The following PRDX4 variants were observed in gnomAD, a reference collection of about 807,000 sequenced individuals.
PRDX4 encodes peroxiredoxin 4, also known as peroxiredoxin-4.
In PRDX4, 12 loss-of-function variants were observed where a neutral mutation model predicts 20.5. The ratio of observed to expected loss-of-function variants is 0.58; its 90% CI spans 0.37 to 0.95. PRDX4 has a LOEUF of 0.95. Among genes scored for constraint, PRDX4 ranks in the 40% least tolerant of loss-of-function variants. The pLI is 0.01. For missense variants in PRDX4, 180 were observed against 207.3 expected, an observed-to-expected ratio of 0.87 and a Z score of 0.81; for synonymous variants, 99 against 87.5, an observed-to-expected ratio of 1.13 and a Z score of -0.73.
At chrX:23,680,333 G>T (rs1380397526) in intron 4 of PRDX4, among the ~76,000 whole-genome samples, 1 of 111,912 alleles carries the variant, frequency 8.9e-6, no homozygotes, top group Non-Finnish European at 1.9e-5. Context: ...GCAAACCTGT[G>T]TCTTTGGAGT....
intron 2 of PRDX4, among the ~76,000 whole-genome samples, chrX:23,673,507 C>G (rs1927883892): frequency 8.9e-6 from 1 of 112,510 alleles, no homozygotes; most frequent in Non-Finnish European, 1.9e-5. Flanking sequence ...AATCCCAGCA[C>G]TTTGGGAGGC....
chrX:23,668,420 G>GT (rs1299381889), intron 1 of PRDX4, among the ~76,000 whole-genome samples: 2 of 112,236 alleles, frequency 1.8e-5, no homozygotes, highest in Non-Finnish European at 3.8e-5. Flanking sequence ...GGGGGAAAAG[G>GT]TTAGAAGTAT....
intron 6 of PRDX4, chrX:23,686,064 G>A: frequency 2.2e-6 from 1 of 461,427 alleles, no homozygotes; most frequent in Non-Finnish European, 4.0e-6. Flanking sequence ...AAGTTTTGGG[G>A]TGCTTGAGTA....
chrX:23,686,363 G>T lies in PRDX4; in HGVS notation c.*28G>T, dbSNP rs1380531416. The T allele has an allele frequency of 9.0e-7, 1 of 1,109,581 alleles. No individual in the cohort carries two copies. Among genetic ancestry groups the T allele is most frequent in the Middle Eastern group, 2.5e-4 (1 of 3,930 alleles). 91.4% of individuals were successfully genotyped at this position (1,109,581 alleles called of 1,213,427 possible). On this transcript the variant is annotated 3_prime_UTR_variant, in exon 7 of 7. Coordinates refer to ENST00000379341, the MANE Select transcript of PRDX4 (RefSeq NM_006406.2). ...AATACTTCTTCAAGTTATGATGCTT[G>T]AAAGTTCTCAATAAAGTTCACGGTT...
chrX:23,675,356 T>A, intron 3 of PRDX4: 1 of 516,385 alleles, frequency 1.9e-6, no homozygotes, highest in Non-Finnish European at 3.0e-6. Context: ...GGGGAAAAGT[T>A]AAATGCAATA....
intron 1 of PRDX4, chrX:23,671,298 T>A: frequency 3.2e-6 from 1 of 313,368 alleles, no homozygotes; most frequent in Non-Finnish European, 5.5e-6. Context: ...ATATCACCAA[T>A]TTTTTTTAAT....
In PRDX4 at chrX:23,677,183, A is replaced by G. The variant is rs1227410370; in HGVS notation, c.477-1982A>G. On this transcript the variant is annotated intron_variant, in intron 3 of 6. Transcript: ENST00000379341. ...TTTGGGGATACATTCTCAGCCTGAT[A>G]GGGTTCACATCAACCAGAAATTTCT... is the stretch of plus-strand genomic sequence containing the variant. Among the ~76,000 whole-genome samples the G allele has an allele frequency of 6.3e-5, 7 of 111,574 alleles. No individual in the cohort carries two copies. In the South Asian group the frequency reaches 1.5e-3, roughly 24 times the overall value.
In PRDX4 at chrX:23,667,615, C is replaced by T; in HGVS notation, c.45C>T (p.Gly15=). 4 of 1,195,542 alleles carry T rather than the reference C, an allele frequency of 3.3e-6. No homozygotes were observed. The highest frequency in any genetic ancestry group is 4.5e-6 in the Non-Finnish European group (4 of 887,702). ...TAGCCGCGACAACTCCGGACCACGG[C>T]CGCCACCGAAGGCTGCTTCTGCTGC... ...PLLAATTPDH[G]RHRRLLLLPL... The change falls in exon 1 of 7, where the codon GGC becomes GGT. Residue 15 remains glycine, a synonymous_variant. Transcript: ENST00000379341.
At chrX:23,684,729 T>G (rs1434273388) in intron 6 of PRDX4, among the ~76,000 whole-genome samples, 2 of 110,963 alleles carry the variant, frequency 1.8e-5, no homozygotes, top group Admixed American at 1.9e-4. Context: ...CTCAAACTCC[T>G]GACCTCAAGC....
At chrX:23,682,988 A>G (rs1419556502) in intron 5 of PRDX4, among the ~76,000 whole-genome samples, 1 of 106,366 alleles carries the variant, frequency 9.4e-6, no homozygotes, top group East Asian at 2.9e-4. Context: ...TTTTAAAATT[A>G]TGTTTCTGCA....
intron 4 of PRDX4, 50 bp from the exon 5 acceptor site, chrX:23,682,346 A>T: frequency 2.0e-6 from 2 of 1,016,276 alleles, no homozygotes; most frequent in Non-Finnish European, 2.6e-6. Context: ...AATTCACAAT[A>T]CATAAATGAG....
At chrX:23,682,851 AAAATAT>A (rs1928109187) in intron 5 of PRDX4, among the ~76,000 whole-genome samples, 1 of 30,867 alleles carries the variant, frequency 3.2e-5, no homozygotes, top group Non-Finnish European at 6.7e-5. Context: ...AAAAAAAAAA[AAAATAT>A]ATATATATAT....
At chrX:23,678,225 C>G (rs1927986878) in intron 3 of PRDX4, among the ~76,000 whole-genome samples, 1 of 109,235 alleles carries the variant, frequency 9.2e-6, no homozygotes, top group Non-Finnish European at 1.9e-5. Context: ...CAAGATCGTG[C>G]CATTGCACTC....
intron 4 of PRDX4, among the ~76,000 whole-genome samples, chrX:23,680,791 T>C (rs2146793065): frequency 9.1e-6 from 1 of 110,309 alleles, no homozygotes; most frequent in Admixed American, 9.7e-5. Flanking sequence ...ATTCCTGTAG[T>C]CCCAGCCTAC....
In PRDX4 at chrX:23,667,767, G is replaced by T; in HGVS notation, c.197G>T (p.Arg66Leu). The T allele has an allele frequency of 8.3e-7, 1 of 1,211,658 alleles. No individual in the cohort carries two copies. Among genetic ancestry groups the T allele is most frequent in the Non-Finnish European group, 1.1e-6 (1 of 895,439 alleles). Residue 66 changes from arginine (R) to leucine (L), a missense_variant, in exon 1 of 7, where the codon CGG (arginine) becomes CTG (leucine). Arg to Leu is a moderately radical substitution (Grantham distance 102, BLOSUM62 -2). Transcript: ENST00000379341. ...GGQVYPGEAS[R>L]VSVADHSLHL... ...CAAGTGTACCCGGGAGAGGCATCCC[G>T]GGTATCGGTCGCCGACCACTCCCTG...
In PRDX4 at chrX:23,668,794, A is replaced by G. The variant is rs182651923; in HGVS notation, c.241+983A>G. On this transcript the variant is annotated intron_variant, in intron 1 of 6. Coordinates refer to ENST00000379341, the MANE Select transcript of PRDX4 (RefSeq NM_006406.2). ...TTCTGAATCCCTAGAGTTAAATGGA[A>G]TGTTGTTATGACTTAGGATGGGTTG... Among the ~76,000 whole-genome samples, 752 of 75,861 alleles carry G rather than the reference A, an allele frequency of 9.9e-3. 9 individuals are homozygous for G. Among genetic ancestry groups the G allele is most frequent in the African/African-American group, 0.032 (723 of 22,378 alleles). The allele number at this position is 75,861 out of a possible 115,157, so 65.9% of individuals were successfully genotyped here.
intron 2 of PRDX4, 50 bp from the exon 3 acceptor site, chrX:23,674,940 T>C: frequency 1.7e-6 from 2 of 1,180,554 alleles, no homozygotes; most frequent in South Asian, 1.9e-5. Context: ...AAAGTTTAGG[T>C]ATATGCTTAT....
In PRDX4 at chrX:23,667,503, T is replaced by C; in HGVS notation, c.-68T>C. ...GTTCGCGCGGGCGTCGTGCACGCGGTTGTAGCTGCCCGGCGGCGGCAGAAG... is the reference window on the plus strand; with the variant it reads ...GTTCGCGCGGGCGTCGTGCACGCGGCTGTAGCTGCCCGGCGGCGGCAGAAG... On this transcript the variant is annotated 5_prime_UTR_variant, in exon 1 of 7. Coordinates refer to ENST00000379341, the MANE Select transcript of PRDX4 (RefSeq NM_006406.2). 1.8e-6 allele frequency: 2 copies of C among 1,117,482 alleles called. No homozygotes were observed. Among genetic ancestry groups the C allele is most frequent in the South Asian group, 4.3e-5 (2 of 46,001 alleles). 92.1% of individuals were successfully genotyped at this position (1,117,482 alleles called of 1,213,427 possible). A position where few individuals can be genotyped will look rare whatever the true frequency, so the allele number is the denominator to read the frequency against.
chrX:23,674,878 G>T, intron 2 of PRDX4, 112 bp from the exon 3 acceptor site: 1 of 988,293 alleles, frequency 1.0e-6, no homozygotes, highest in Non-Finnish European at 1.3e-6. Flanking sequence ...ATATAAAATT[G>T]TTCTTAATGT....
Sources: gnomAD v4.1 joint callset for allele counts (sites outside exome capture counted in the v4.1 genomes callset) on GRCh38, gnomAD v4.1.1 for gene constraint, MANE v1.5 for transcripts, NCBI Gene and HGNC (gene_info 2026-07-23, HGNC 2026-07-21) for gene names.